Variants in PPA2 observed in about 807,000 individuals in gnomAD.
PPA2 encodes inorganic pyrophosphatase 2, mitochondrial.
PPA2 carries 48 observed loss-of-function variants against 49.5 expected under a neutral mutation model. The observed-to-expected ratio is 0.97, with a 90% CI of 0.77 to 1.23. The LOEUF is 1.23. PPA2 is among the 50% of genes most tolerant of loss of function. The pLI, the probability that PPA2 is intolerant of heterozygous loss-of-function variation, is 0.00. For missense variants in PPA2, 429 were observed against 410.1 expected, an observed-to-expected ratio of 1.05 and a Z score of -0.40; for synonymous variants, 131 against 139.9, an observed-to-expected ratio of 0.94 and a Z score of 0.45.
At chr4:105,383,682 G>C (rs772960661) in intron 10 of PPA2, among the ~76,000 whole-genome samples, 1 of 152,160 alleles carries the variant, frequency 6.6e-6, no homozygotes, top group Non-Finnish European at 1.5e-5. Flanking sequence ...GTCTGGCCTT[G>C]TAATGACCAT....
chr4:105,446,246 C>A, intron 5 of PPA2, 137 bp downstream of exon 5: 1 of 896,330 alleles, frequency 1.1e-6, no homozygotes, highest in Non-Finnish European at 1.6e-6. Flanking sequence ...ACTCCATCCA[C>A]GTTAATAAAT....
chr4:105,378,077 T>C (rs1257161819), intron 10 of PPA2, among the ~76,000 whole-genome samples: 1 of 152,192 alleles, frequency 6.6e-6, no homozygotes, highest in Non-Finnish European at 1.5e-5. Flanking sequence ...CTTGATCACA[T>C]GGATCACATG....
At chr4:105,437,071 A>G (rs931606745) in intron 6 of PPA2, among the ~76,000 whole-genome samples, 2 of 152,194 alleles carry the variant, frequency 1.3e-5, no homozygotes, top group South Asian at 2.1e-4. Context: ...TATGCCTCCA[A>G]CAAAGGACTA....
intron 5 of PPA2, 54 bp from the exon 6 acceptor site, chr4:105,438,090 C>T (rs1176412298): frequency 8.3e-7 from 1 of 1,205,570 alleles, no homozygotes; most frequent in African/African-American, 1.6e-5. Context: ...CTATAATGTA[C>T]TTTAATCTTT....
rs551512370 is a variant in PPA2 at position 105,424,119 on chromosome 4, T to C, written c.655+77A>G. The C allele has an allele frequency of 6.4e-5, 94 of 1,464,974 alleles. No individual in the cohort carries two copies. In the Admixed American group the frequency reaches 9.6e-4, roughly 15 times the overall value. 90.7% of individuals were successfully genotyped at this position (1,464,974 alleles called of 1,614,324 possible). On this transcript the variant is annotated intron_variant, in intron 7 of 11. Transcript: ENST00000341695. ...TTAAAAAGTACATTTAACTCCCCTA[T>C]GTGAACTTCTTTTAAGTTCTCAGAA...
At chr4:105,438,162 A>G in intron 5 of PPA2, 126 bp from the exon 6 acceptor site, 1 of 699,094 alleles carries the variant, frequency 1.4e-6, no homozygotes, top group East Asian at 2.8e-5. Flanking sequence ...CAGAAATTAC[A>G]TAGGCCCAAG....
intron 10 of PPA2, among the ~76,000 whole-genome samples, chr4:105,376,201 C>T (rs59464769): frequency 6.6e-6 from 1 of 152,214 alleles, no homozygotes; most frequent in Non-Finnish European, 1.5e-5. Context: ...GATGGCCACA[C>T]TACATGCTGA....
intron 1 of PPA2, chr4:105,473,249 G>A: frequency 5.6e-6 from 1 of 178,038 alleles, no homozygotes; most frequent in Non-Finnish European, 1.2e-5. Flanking sequence ...AGCCTTCTGG[G>A]CTTGTTCAGC....
intron 5 of PPA2, among the ~76,000 whole-genome samples, chr4:105,442,960 A>T (rs1016742506): frequency 2.0e-5 from 3 of 152,164 alleles, no homozygotes; most frequent in African/African-American, 7.2e-5. Flanking sequence ...ACAGTTATTG[A>T]TCACCTACTC....
At chr4:105,399,256 T>C (rs1320093144) in intron 7 of PPA2, 92 bp from the exon 8 acceptor site, 64 of 1,259,446 alleles carry the variant, frequency 5.1e-5, no homozygotes, top group Non-Finnish European at 6.6e-5. Context: ...CCAGGAAACA[T>C]GGGGCCCAGT....
At chr4:105,467,569 A>G (rs2110332361) in intron 1 of PPA2, among the ~76,000 whole-genome samples, 1 of 152,324 alleles carries the variant, frequency 6.6e-6, no homozygotes, top group African/African-American at 2.4e-5. Flanking sequence ...TACATTTTAA[A>G]AGGATGAAGG....
chr4:105,467,699 G>A (rs1723363277), intron 1 of PPA2, among the ~76,000 whole-genome samples: 1 of 152,114 alleles, frequency 6.6e-6, no homozygotes, highest in South Asian at 2.1e-4. Context: ...AAGGGTGGAA[G>A]TGGACAGAAG....
At chr4:105,376,613 T>C (rs183237519) in intron 10 of PPA2, among the ~76,000 whole-genome samples, 4 of 152,286 alleles carry the variant, frequency 2.6e-5, no homozygotes. Context: ...TTAGAAGTCA[T>C]TAAGCTTTTG....
intron 7 of PPA2, among the ~76,000 whole-genome samples, chr4:105,411,636 G>A (rs1313526124): frequency 6.6e-6 from 1 of 152,208 alleles, no homozygotes. Context: ...ATAAGGAAAA[G>A]AGGAAGTCAA....
chr4:105,382,973 A>C (rs1217488345), intron 10 of PPA2, among the ~76,000 whole-genome samples: 1 of 151,090 alleles, frequency 6.6e-6, no homozygotes, highest in Non-Finnish European at 1.5e-5. Context: ...ACTGCACTCT[A>C]GCCTGGGCGG....
chr4:105,386,037 G>T (rs966257754), intron 10 of PPA2, among the ~76,000 whole-genome samples: 1 of 151,842 alleles, frequency 6.6e-6, no homozygotes, highest in African/African-American at 2.4e-5. Flanking sequence ...GCACCACCAG[G>T]CTCAGCTAAT....
At chr4:105,407,889 T>C (rs1299638179) in intron 7 of PPA2, among the ~76,000 whole-genome samples, 1 of 152,082 alleles carries the variant, frequency 6.6e-6, no homozygotes, top group Non-Finnish European at 1.5e-5. Context: ...TTGGGGGTGA[T>C]GGAAATGTTT....
At chr4:105,472,478 T>G (rs546864246) in intron 1 of PPA2, among the ~76,000 whole-genome samples, 1 of 152,364 alleles carries the variant, frequency 6.6e-6, no homozygotes, top group South Asian at 2.1e-4. Flanking sequence ...TCTAGAATAC[T>G]TGCAGTAGAC....
chr4:105,423,692 T>C (rs1319072027), intron 7 of PPA2, among the ~76,000 whole-genome samples: 1 of 152,150 alleles, frequency 6.6e-6, no homozygotes, highest in Non-Finnish European at 1.5e-5. Context: ...TTCTAGGACA[T>C]CAAAATTTCG....
Sources: gnomAD v4.1 joint callset for allele counts (sites outside exome capture counted in the v4.1 genomes callset) on GRCh38, gnomAD v4.1.1 for gene constraint, MANE v1.5 for transcripts, NCBI Gene and HGNC (gene_info 2026-07-23, HGNC 2026-07-21) for gene names.